Variants in PLCL1 observed in about 807,000 individuals in gnomAD.
PLCL1 encodes inactive phospholipase C-like protein 1.
Under a neutral mutation model 84.4 loss-of-function variants are expected in PLCL1, and 41 were observed. That is an observed-to-expected ratio of 0.49 (90% confidence interval 0.38 to 0.63). The LOEUF (loss-of-function observed/expected upper bound fraction) is 0.63. Ranked by LOEUF, PLCL1 falls within the 30% of genes least tolerant of loss-of-function variation. The probability of loss-of-function intolerance (pLI) is 0.00; values close to 1 mark genes in which losing one functional copy is unlikely to be tolerated. For synonymous variants in PLCL1, 490 were observed against 488.3 expected (o/e 1.00, Z -0.05); for missense variants, 1,206 against 1,367.8 (o/e 0.88, Z 1.87).
chr2:198,074,925 G>C (rs990247427), intron 1 of PLCL1, among the ~76,000 whole-genome samples: 2 of 152,130 alleles, frequency 1.3e-5, no homozygotes, highest in Admixed American at 1.3e-4. Flanking sequence ...CCCTAATTAA[G>C]CATCAAGTTA....
Position 198,148,835 on chromosome 2 carries a change from G to A in PLCL1, c.*1873G>A, listed in dbSNP as rs1289327404. On this transcript the variant is annotated 3_prime_UTR_variant, in exon 6 of 6. Coordinates refer to ENST00000428675, the MANE Select transcript of PLCL1 (RefSeq NM_006226.4). Reference sequence around the variant, plus strand: ...AGTTAGGTGGGAAGAGGAGATAAAGGATGACAAACTCTCAAACAATATTTA... The same window carrying A: ...AGTTAGGTGGGAAGAGGAGATAAAGAATGACAAACTCTCAAACAATATTTA... 1 of 152,244 alleles carries A rather than the reference G, an allele frequency of 6.6e-6. No individual in the cohort carries two copies. Among genetic ancestry groups the A allele is most frequent in the Admixed American group, 6.6e-5 (1 of 15,254 alleles). The allele number at this position is 152,244 out of a possible 1,614,324, so 9.4% of individuals were successfully genotyped here.
chr2:198,133,515 T>C (rs911240423), intron 5 of PLCL1, among the ~76,000 whole-genome samples: 1 of 143,800 alleles, frequency 7.0e-6, no homozygotes, highest in Non-Finnish European at 1.5e-5. Flanking sequence ...ACCCTAAAAC[T>C]TAAAGTATAA....
intron 1 of PLCL1, among the ~76,000 whole-genome samples, chr2:198,068,853 C>G (rs1315214914): frequency 1.3e-5 from 2 of 152,048 alleles, no homozygotes; most frequent in Non-Finnish European, 2.9e-5. Context: ...GAAACCCCAT[C>G]TCTAATAAAA....
At chr2:197,865,660 T>C (rs1311116766) in intron 1 of PLCL1, among the ~76,000 whole-genome samples, 1 of 152,062 alleles carries the variant, frequency 6.6e-6, no homozygotes, top group East Asian at 1.9e-4. Context: ...TTAAGTTAGA[T>C]GAAACATATC....
At chr2:197,901,884 C>G (rs939445633) in intron 1 of PLCL1, among the ~76,000 whole-genome samples, 1 of 152,084 alleles carries the variant, frequency 6.6e-6, no homozygotes, top group Non-Finnish European at 1.5e-5. Context: ...ATTTCGACTC[C>G]AAGTGTTCTT....
chr2:197,829,381 T>C (rs1348436925), intron 1 of PLCL1, among the ~76,000 whole-genome samples: 2 of 152,198 alleles, frequency 1.3e-5, no homozygotes, highest in Non-Finnish European at 2.9e-5. Flanking sequence ...TCACCACCTC[T>C]CATATTGGTG....
chr2:197,958,099 A>G (rs1183235871), intron 1 of PLCL1, among the ~76,000 whole-genome samples: 1 of 151,996 alleles, frequency 6.6e-6, no homozygotes, highest in Non-Finnish European at 1.5e-5. Flanking sequence ...GTATAGTTTC[A>G]TTTTATTAGC....
intron 1 of PLCL1, among the ~76,000 whole-genome samples, chr2:197,840,084 A>G (rs1488622756): frequency 1.3e-5 from 2 of 152,340 alleles, no homozygotes; most frequent in East Asian, 3.9e-4. Flanking sequence ...TCTAAATATA[A>G]AAGATTCTAT....
intron 1 of PLCL1, among the ~76,000 whole-genome samples, chr2:198,060,323 G>A (rs1197367361): frequency 6.6e-6 from 1 of 152,180 alleles, no homozygotes; most frequent in Non-Finnish European, 1.5e-5. Flanking sequence ...ATCTAATTTT[G>A]ATAGAGATAT....
At chr2:198,041,046 A>T (rs181350467) in intron 1 of PLCL1, among the ~76,000 whole-genome samples, 40 of 152,076 alleles carry the variant, frequency 2.6e-4, no homozygotes, top group Admixed American at 2.4e-3. Context: ...TTCTTAGTAC[A>T]CTCCCAAAGC....
At chr2:198,128,314 A>T (rs1315908930) in intron 5 of PLCL1, among the ~76,000 whole-genome samples, 1 of 152,148 alleles carries the variant, frequency 6.6e-6, no homozygotes, top group Non-Finnish European at 1.5e-5. Flanking sequence ...TCATCTAGAC[A>T]GGGGAATCGC....
intron 1 of PLCL1, among the ~76,000 whole-genome samples, chr2:197,834,203 A>G (rs1040056983): frequency 4.6e-5 from 7 of 151,818 alleles, no homozygotes; most frequent in African/African-American, 1.4e-4. Flanking sequence ...ACCTAAAACC[A>G]TAAAAAACCT....
At chr2:198,066,471 A>C (rs1379749714) in intron 1 of PLCL1, among the ~76,000 whole-genome samples, 3 of 142,416 alleles carry the variant, frequency 2.1e-5, no homozygotes. Context: ...AGCTCCTCAA[A>C]TAAATCCACT....
chr2:197,834,912 A>G (rs1171186268), intron 1 of PLCL1, among the ~76,000 whole-genome samples: 2 of 152,242 alleles, frequency 1.3e-5, no homozygotes, highest in African/African-American at 2.4e-5. Flanking sequence ...ATGTCCATCA[A>G]TGATAGACTG....
chr2:197,973,051 C>T (rs1689902858), intron 1 of PLCL1, among the ~76,000 whole-genome samples: 1 of 152,180 alleles, frequency 6.6e-6, no homozygotes, highest in African/African-American at 2.4e-5. Context: ...CCCTTGTCCT[C>T]AAGTCTTCTT....
At chr2:198,059,871 A>T (rs1219352597) in intron 1 of PLCL1, among the ~76,000 whole-genome samples, 1 of 152,112 alleles carries the variant, frequency 6.6e-6, no homozygotes, top group Non-Finnish European at 1.5e-5. Context: ...ACGGGGACAG[A>T]GGGGCTTTGC....
intron 1 of PLCL1, among the ~76,000 whole-genome samples, chr2:197,897,108 CTTCTTCT>C (rs1688152194): frequency 1.1e-4 from 4 of 36,900 alleles, no homozygotes; most frequent in African/African-American, 6.3e-4. Context: ...CCTTCTTCTT[CTTCTTCT>C]TCTTCTTCTT....
chr2:198,008,181 G>A (rs1212213301), intron 1 of PLCL1, among the ~76,000 whole-genome samples: 1 of 151,882 alleles, frequency 6.6e-6, no homozygotes, highest in African/African-American at 2.4e-5. Context: ...GTAATTCTTT[G>A]GGCTTGGTTT....
chr2:198,080,341 A>G (rs1692680653), intron 1 of PLCL1, among the ~76,000 whole-genome samples: 2 of 152,232 alleles, frequency 1.3e-5, no homozygotes, highest in Admixed American at 1.3e-4. Flanking sequence ...CAAGAAGGAA[A>G]ACTGATACTC....
Sources: gnomAD v4.1 joint callset for allele counts (sites outside exome capture counted in the v4.1 genomes callset) on GRCh38, gnomAD v4.1.1 for gene constraint, MANE v1.5 for transcripts, NCBI Gene and HGNC (gene_info 2026-07-23, HGNC 2026-07-21) for gene names.